The following ADAMTS17 variants were observed in gnomAD, a reference collection of about 807,000 sequenced individuals.
The protein encoded by ADAMTS17 is A disintegrin and metalloproteinase with thrombospondin motifs 17.
In ADAMTS17, 113 loss-of-function variants were observed where a neutral mutation model predicts 141.5. That is an observed-to-expected ratio of 0.80 (90% CI 0.69 to 0.93). The LOEUF is 0.93. ADAMTS17 is among the 40% of genes least tolerant of loss of function. ADAMTS17 has a pLI of 0.00. For missense variants in ADAMTS17, 1,659 were observed against 1,517.9 expected, an observed-to-expected ratio of 1.09 and a Z score of -1.54; for synonymous variants, 768 against 630.6, an observed-to-expected ratio of 1.22 and a Z score of -3.27.
chr15:100,216,407 A>G (rs1046860758), intron 7 of ADAMTS17, among the ~76,000 whole-genome samples: 10 of 152,200 alleles, frequency 6.6e-5, no homozygotes, highest in Non-Finnish European at 1.2e-4. Flanking sequence ...TTTTATCAAC[A>G]TGACATTTGG....
At position 100,042,276 on chromosome 15, in the gene ADAMTS17, G is replaced by A. The variant is rs115266644; in HGVS notation, c.2591+6581C>T. ...ATGAAAGACTCATGACAACTAGATC[G>A]TGCCATGCAATAATTCAAATTTTGT... On this transcript the variant is annotated intron_variant, in intron 18 of 21. Transcript: ENST00000268070. 2.8e-3 allele frequency among the ~76,000 whole-genome samples: 432 copies of A among 152,280 alleles called. 3 individuals are homozygous for A. Among genetic ancestry groups the A allele is most frequent in the South Asian group, 0.012 (56 of 4,822 alleles).
intron 3 of ADAMTS17, among the ~76,000 whole-genome samples, chr15:100,314,596 T>A (rs896521352): frequency 1.3e-5 from 2 of 152,006 alleles, no homozygotes; most frequent in East Asian, 3.9e-4. Flanking sequence ...TATACCAAAA[T>A]AAGAAGCAAA....
chr15:100,237,905 T>C (rs2042708918), intron 7 of ADAMTS17, among the ~76,000 whole-genome samples: 1 of 152,214 alleles, frequency 6.6e-6, no homozygotes, highest in Non-Finnish European at 1.5e-5. Flanking sequence ...ATTACAGGTG[T>C]GAGCCCACTG....
intron 3 of ADAMTS17, among the ~76,000 whole-genome samples, chr15:100,282,201 G>A (rs757385271): frequency 2.0e-5 from 3 of 152,172 alleles, no homozygotes; most frequent in African/African-American, 7.2e-5. Flanking sequence ...TTCAGAATCC[G>A]AATATAAACA....
At chr15:100,263,876 C>G (rs1329689346) in intron 4 of ADAMTS17, among the ~76,000 whole-genome samples, 4 of 152,194 alleles carry the variant, frequency 2.6e-5, no homozygotes, top group Admixed American at 1.3e-4. Context: ...CAGCAGCAAG[C>G]GTTAAGCACG....
At chr15:100,209,220 T>A (rs992018753) in intron 7 of ADAMTS17, among the ~76,000 whole-genome samples, 1 of 151,282 alleles carries the variant, frequency 6.6e-6, no homozygotes, top group Non-Finnish European at 1.5e-5. Context: ...CTTTGGGGGA[T>A]GAAATGTGGA....
At chr15:100,168,041 G>A (rs1054868652) in intron 8 of ADAMTS17, among the ~76,000 whole-genome samples, 2 of 152,198 alleles carry the variant, frequency 1.3e-5, no homozygotes, top group East Asian at 1.9e-4. Flanking sequence ...ACCGCAGGAC[G>A]AACAAGGCGG....
intron 8 of ADAMTS17, among the ~76,000 whole-genome samples, chr15:100,176,446 T>G (rs967697258): frequency 1.3e-5 from 2 of 152,194 alleles, no homozygotes; most frequent in Admixed American, 6.5e-5. Context: ...GACCCGGACA[T>G]CTGGATTTTT....
intron 4 of ADAMTS17, among the ~76,000 whole-genome samples, chr15:100,272,731 T>C (rs72633235): frequency 0.072 from 10,912 of 151,200 alleles, 636 homozygotes; most frequent in East Asian, 0.23. Context: ...CAGTGTTATG[T>C]TGAACAGAAG....
At chr15:99,989,260 A>G (rs2060647751) in intron 20 of ADAMTS17, among the ~76,000 whole-genome samples, 1 of 152,190 alleles carries the variant, frequency 6.6e-6, no homozygotes, top group African/African-American at 2.4e-5. Flanking sequence ...GTACCCCACA[A>G]AAAGGAAAGC....
At chr15:100,180,610 G>A (rs1362851062) in intron 8 of ADAMTS17, among the ~76,000 whole-genome samples, 1 of 152,176 alleles carries the variant, frequency 6.6e-6, no homozygotes, top group East Asian at 1.9e-4. Context: ...GCTTTGGGTA[G>A]TATGGATGTT....
At chr15:100,191,605 T>C (rs976380648) in intron 8 of ADAMTS17, among the ~76,000 whole-genome samples, 1 of 152,240 alleles carries the variant, frequency 6.6e-6, no homozygotes, top group Non-Finnish European at 1.5e-5. Context: ...CAATGCAGTT[T>C]CTCTGCAACC....
chr15:99,986,380 C>G (rs1188284371), intron 20 of ADAMTS17, among the ~76,000 whole-genome samples: 8 of 152,228 alleles, frequency 5.3e-5, no homozygotes, highest in Non-Finnish European at 1.0e-4. Context: ...AACTTGACCT[C>G]AGACTGATTC....
At chr15:100,244,332 T>C (rs962022081) in intron 7 of ADAMTS17, among the ~76,000 whole-genome samples, 2 of 144,454 alleles carry the variant, frequency 1.4e-5, no homozygotes, top group African/African-American at 2.5e-5. Flanking sequence ...TCAACGACAG[T>C]GGTGGACAAG....
At chr15:100,000,247 C>G (rs1477231878) in intron 18 of ADAMTS17, among the ~76,000 whole-genome samples, 2 of 152,208 alleles carry the variant, frequency 1.3e-5, no homozygotes, top group African/African-American at 4.8e-5. Flanking sequence ...CTACACATTT[C>G]TCCTAGTTCA....
At chr15:100,317,868 C>T (rs1019640243) in intron 3 of ADAMTS17, among the ~76,000 whole-genome samples, 2 of 152,108 alleles carry the variant, frequency 1.3e-5, no homozygotes, top group African/African-American at 4.8e-5. Flanking sequence ...CCTGAGCTCC[C>T]AAAAGAGTAA....
intron 8 of ADAMTS17, among the ~76,000 whole-genome samples, chr15:100,167,450 C>G (rs888972662): frequency 6.6e-6 from 1 of 152,126 alleles, no homozygotes; most frequent in South Asian, 2.1e-4. Context: ...TGCCGTCATC[C>G]GTGAAAACCC....
In ADAMTS17 at chr15:100,107,457, C is replaced by T. The variant is rs571362297; in HGVS notation, c.2016+1532G>A. Among the ~76,000 whole-genome samples the T allele has an allele frequency of 1.6e-4, 24 of 152,256 alleles. 1 individual carries two copies. Among genetic ancestry groups the T allele is most frequent in the Middle Eastern group, 6.8e-3 (2 of 294 alleles). ...CCTGTGGAGGACACAGTTGAGGGAA[C>T]GTGGTCATAGGATGACAGGAACGCG... On this transcript the variant is annotated intron_variant, in intron 14 of 21. Transcript: ENST00000268070.
intron 18 of ADAMTS17, among the ~76,000 whole-genome samples, chr15:100,010,897 T>C (rs2061153239): frequency 6.6e-6 from 1 of 152,152 alleles, no homozygotes; most frequent in Admixed American, 6.5e-5. Flanking sequence ...AGTTCTCATA[T>C]ACATTTCCCT....
Sources: allele counts gnomAD v4.1 joint callset (sites outside exome capture counted in the v4.1 genomes callset), GRCh38; gene constraint gnomAD v4.1.1; transcripts MANE v1.5; gene names NCBI Gene and HGNC (gene_info 2026-07-23, HGNC 2026-07-21).